Variants in PAFAH2 observed in about 807,000 individuals in gnomAD.
The protein encoded by PAFAH2 is platelet activating factor acetylhydrolase 2.
A neutral mutation model predicts 49.0 loss-of-function variants in PAFAH2; 42 were observed. The observed-to-expected ratio is 0.86, with a 90% CI of 0.67 to 1.11. PAFAH2 has a LOEUF of 1.11. Among genes scored for constraint, PAFAH2 ranks in the 50% least tolerant of loss-of-function variants. The pLI is 0.00. For missense variants in PAFAH2, 503 were observed against 501.8 expected (o/e 1.00, Z -0.02); for synonymous variants, 184 against 181.3 (o/e 1.01, Z -0.12).
chr1:25,976,284 A>G (rs1194301977), intron 8 of PAFAH2, among the ~76,000 whole-genome samples: 1 of 152,038 alleles, frequency 6.6e-6, no homozygotes, highest in East Asian at 1.9e-4. Context: ...GACTACAGGC[A>G]TGCACTATCA....
intron 7 of PAFAH2, among the ~76,000 whole-genome samples, chr1:25,979,890 TG>T: frequency 6.6e-6 from 1 of 152,172 alleles, no homozygotes; most frequent in East Asian, 1.9e-4. Context: ...CCTCCCAAAC[TG>T]TTGGGATTAC....
In PAFAH2 at chr1:25,976,790, A is replaced by G; in HGVS notation, c.667-17T>C. On this transcript the variant is annotated splice_polypyrimidine_tract_variant and intron_variant, in intron 7 of 10. Coordinates refer to ENST00000374282, the MANE Select transcript of PAFAH2 (RefSeq NM_000437.4). ...AATGTTGCCCTGAGGAAAGTGGAGA[A>G]CTTAGCCAAGTCAGAAACTCAGGAC... is the stretch of plus-strand genomic sequence containing the variant. 1 of 1,605,804 alleles carries G rather than the reference A, an allele frequency of 6.2e-7. No homozygotes were observed. Among genetic ancestry groups the G allele is most frequent in the Admixed American group, 1.7e-5 (1 of 59,898 alleles).
At chr1:25,981,714 CT>C (rs906739389) in intron 7 of PAFAH2, among the ~76,000 whole-genome samples, 1 of 152,166 alleles carries the variant, frequency 6.6e-6, no homozygotes, top group Non-Finnish European at 1.5e-5. Context: ...AAGACAGTCT[CT>C]TTTCTTTTTA....
intron 10 of PAFAH2, among the ~76,000 whole-genome samples, chr1:25,963,878 G>A (rs1157305431): frequency 1.3e-5 from 2 of 152,178 alleles, no homozygotes; most frequent in Admixed American, 6.6e-5. Context: ...TGAAGGAAGT[G>A]GGAGTGTGCC....
At chr1:25,996,275 G>A (rs1026832428) in intron 1 of PAFAH2, among the ~76,000 whole-genome samples, 2 of 152,200 alleles carry the variant, frequency 1.3e-5, no homozygotes, top group East Asian at 3.8e-4. Flanking sequence ...TGAGGTAGGA[G>A]GATTGCTGGG....
intron 10 of PAFAH2, among the ~76,000 whole-genome samples, chr1:25,970,092 A>C (rs150504048): frequency 6.6e-4 from 101 of 152,346 alleles, no homozygotes; most frequent in African/African-American, 2.3e-3. Context: ...TTTTAAATGC[A>C]AACTCAATCC....
At chr1:25,984,609 G>T in intron 4 of PAFAH2, 81 bp from the exon 5 acceptor site, 2 of 1,116,322 alleles carry the variant, frequency 1.8e-6, no homozygotes, top group Non-Finnish European at 2.7e-6. Context: ...TGCTCTGCTA[G>T]CAGCCATCTT....
chr1:25,987,651 G>A (rs551268493), intron 4 of PAFAH2, among the ~76,000 whole-genome samples: 1 of 151,934 alleles, frequency 6.6e-6, no homozygotes, highest in Non-Finnish European at 1.5e-5. Context: ...AGGCTAGAAC[G>A]GGAGGATGGC....
In PAFAH2 at chr1:25,972,596, A is replaced by G; in HGVS notation, c.1046T>C (p.Met349Thr). The change falls in exon 10 of 11, where the codon ATG becomes ACG. Residue 349 changes from methionine to threonine, a missense_variant. By Grantham distance (81) the Met-to-Thr change is moderately conservative. Coordinates refer to ENST00000374282, the MANE Select transcript of PAFAH2 (RefSeq NM_000437.4). ...SLDPYEGQEVMVRAMLAFLQK... is the reference protein window; with the variant it reads ...SLDPYEGQEVTVRAMLAFLQK... The stretch of plus-strand genomic sequence containing the variant: ...CAGGAAGGCCAACATGGCCCGTACC[A>G]TAACCTCCTGCCCTTCATAGGGGTC... 6.2e-7 allele frequency: 1 copy of G among 1,613,992 alleles called. No individual in the cohort carries two copies. The highest frequency in any genetic ancestry group is 8.5e-7 in the Non-Finnish European group (1 of 1,179,864).
rs544571935 is a variant in PAFAH2, at chr1:25,966,987, G to A, written c.1085-4904C>T. On this transcript the variant is annotated intron_variant, in intron 10 of 10. Coordinates refer to ENST00000374282, the MANE Select transcript of PAFAH2 (RefSeq NM_000437.4). Reference sequence around the variant, plus strand: ...GCGGAGCTTGCAGTGAGCCGAGATCGCGCCACTGCACTCCAGTCTGGGCGA... The same window carrying A: ...GCGGAGCTTGCAGTGAGCCGAGATCACGCCACTGCACTCCAGTCTGGGCGA... Among the ~76,000 whole-genome samples, 10 of 146,884 alleles carry A rather than the reference G, an allele frequency of 6.8e-5. No individual in the cohort carries two copies. In the South Asian group the frequency reaches 9.0e-4, roughly 13 times the overall value.
rs768294993 is a variant in PAFAH2 at position 25,989,445 on chromosome 1, T to TA, written c.244+2dup. 6.3e-6 allele frequency: 10 copies of TA among 1,592,350 alleles called. No individual in the cohort carries two copies. The highest frequency in any genetic ancestry group is 1.8e-5 in the Admixed American group (1 of 56,484). ...AGCATGCAGAGGTCAGGCCAGCCCT[T>TA]ACCCACCGCCAGGTTGAACAGCAAG... On this transcript the variant is annotated splice_region_variant and intron_variant, in intron 3 of 10. Coordinates refer to ENST00000374282, the MANE Select transcript of PAFAH2 (RefSeq NM_000437.4).
In PAFAH2 at chr1:25,968,246, G is replaced by A. The variant is rs148139800; in HGVS notation, c.1084+4312C>T. The stretch of plus-strand genomic sequence containing the variant: ...CATGTTGAGCAGACAGAAGAGGATG[G>A]AATCTTGTGTTGGGGGGTTGGCCTT... On this transcript the variant is annotated intron_variant, in intron 10 of 10. Coordinates refer to ENST00000374282, the MANE Select transcript of PAFAH2 (RefSeq NM_000437.4). Among the ~76,000 whole-genome samples, 342 of 152,198 alleles carry A rather than the reference G, an allele frequency of 2.2e-3. 1 individual carries two copies. Among genetic ancestry groups the A allele is most frequent in the African/African-American group, 7.6e-3 (317 of 41,538 alleles).
At position 25,961,840 on chromosome 1, in the gene PAFAH2, C is replaced by G. The variant is rs538495657; in HGVS notation, c.*149G>C. 2 of 580,546 alleles carry G rather than the reference C, an allele frequency of 3.4e-6. No homozygotes were observed. The highest frequency in any genetic ancestry group is 5.3e-5 in the South Asian group (2 of 37,456). The allele number at this position is 580,546 out of a possible 1,614,324, so 36.0% of individuals were successfully genotyped here. A position where few individuals can be genotyped will look rare whatever the true frequency, so the allele number is the denominator to read the frequency against. ...TAAGATCAAATCTAAGATCAAAGTACCCAGTTATCCAAGCAGCAGTGTGAT... is the reference window on the plus strand; with the variant it reads ...TAAGATCAAATCTAAGATCAAAGTAGCCAGTTATCCAAGCAGCAGTGTGAT... On this transcript the variant is annotated 3_prime_UTR_variant, in exon 11 of 11. Transcript: ENST00000374282.
intron 10 of PAFAH2, among the ~76,000 whole-genome samples, chr1:25,965,217 A>T (rs1235752299): frequency 6.6e-6 from 1 of 152,246 alleles, no homozygotes; most frequent in East Asian, 1.9e-4. Context: ...CCATATGAAG[A>T]AGAATGAAAC....
At position 25,960,206 on chromosome 1, in the gene PAFAH2, C is replaced by T. The variant is rs530274676; in HGVS notation, c.*1783G>A. The T allele has an allele frequency of 4.6e-5, 7 of 152,324 alleles. No homozygotes were observed. Among genetic ancestry groups the T allele is most frequent in the African/African-American group, 1.2e-4 (5 of 41,460 alleles). 9.4% of individuals were successfully genotyped at this position (152,324 alleles called of 1,614,324 possible). A position where few individuals can be genotyped will look rare whatever the true frequency, so the allele number is the denominator to read the frequency against. On this transcript the variant is annotated 3_prime_UTR_variant, in exon 11 of 11. Transcript: ENST00000374282. ...ATTCAAAGATCCTCCCTCACAGCCTCAACGATCTGCTGTTTCACCTCTTAG... is the reference window on the plus strand; with the variant it reads ...ATTCAAAGATCCTCCCTCACAGCCTTAACGATCTGCTGTTTCACCTCTTAG...
chr1:25,988,318 C>A lies in PAFAH2; in HGVS notation c.254G>T (p.Arg85Leu), dbSNP rs769270945. 20 of 1,610,340 alleles carry A rather than the reference C, an allele frequency of 1.2e-5. No homozygotes were observed. The highest frequency in any genetic ancestry group is 1.5e-5 in the Non-Finnish European group (18 of 1,178,194). ...GGGGCCATTCCAGCTAACAGGCAGG[C>A]GACAAGATCCTAGCAGAGACATGGG... Reference protein sequence around the residue: ...LLFNLAVGSCRLPVSWNGPFK... With the variant: ...LLFNLAVGSCLLPVSWNGPFK... The change falls in exon 4 of 11, where the codon CGC (arginine) becomes CTC (leucine). Residue 85 changes from arginine to leucine, a missense_variant. Physicochemically the swap from Arg to Leu is moderately radical, Grantham distance 102. Transcript: ENST00000374282.
At chr1:25,977,006 CA>C (rs1412397722) in intron 7 of PAFAH2, among the ~76,000 whole-genome samples, 1 of 139,464 alleles carries the variant, frequency 7.2e-6, no homozygotes, top group Non-Finnish European at 1.5e-5. Flanking sequence ...TCACACTTTT[CA>C]TGTTTACTTT....
At chr1:25,973,903 C>A (rs2049548565) in intron 9 of PAFAH2, among the ~76,000 whole-genome samples, 1 of 152,164 alleles carries the variant, frequency 6.6e-6, no homozygotes, top group Non-Finnish European at 1.5e-5. Flanking sequence ...ACATGTGGAA[C>A]ATTTCTTAAA....
intron 1 of PAFAH2, among the ~76,000 whole-genome samples, chr1:25,996,842 C>T (rs902523704): frequency 6.6e-6 from 1 of 152,208 alleles, no homozygotes; most frequent in Admixed American, 6.5e-5. Flanking sequence ...ATTTTCAGTG[C>T]TTATAAAATG....
Sources: gnomAD v4.1 joint callset for allele counts (sites outside exome capture counted in the v4.1 genomes callset) on GRCh38, gnomAD v4.1.1 for gene constraint, MANE v1.5 for transcripts, NCBI Gene and HGNC (gene_info 2026-07-23, HGNC 2026-07-21) for gene names.